Variants in LTN1 observed in about 807,000 individuals in gnomAD.
The protein encoded by LTN1 is E3 ubiquitin-protein ligase listerin.
In LTN1, 88 loss-of-function variants were observed where a neutral mutation model predicts 201.2. That is an observed-to-expected ratio of 0.44 (90% confidence interval 0.37 to 0.52). The LOEUF (loss-of-function observed/expected upper bound fraction) is 0.52, where lower values mean the gene tolerates loss of function less well. Ranked by LOEUF, LTN1 falls within the 20% of genes least tolerant of loss-of-function variation. The pLI, the probability that LTN1 is intolerant of heterozygous loss-of-function variation, is 0.00. For synonymous variants in LTN1, 645 were observed against 713.5 expected (o/e 0.90, Z 1.53); for missense variants, 1,752 against 2,038.7 (o/e 0.86, Z 2.71).
chr21:28,977,157 T>C (rs1316593497), intron 6 of LTN1, among the ~76,000 whole-genome samples: 2 of 152,154 alleles, frequency 1.3e-5, no homozygotes, highest in Non-Finnish European at 2.9e-5. Context: ...GTGGATCACC[T>C]GAGGTCAGGA....
chr21:28,966,274 G>T (rs772240779), intron 10 of LTN1, 96 bp downstream of exon 10: 3 of 1,024,688 alleles, frequency 2.9e-6, no homozygotes, highest in Non-Finnish European at 4.3e-6. Context: ...TCCTAAAATT[G>T]ACACTCACAG....
At chr21:28,969,049 C>T (rs1328627736) in intron 9 of LTN1, among the ~76,000 whole-genome samples, 3 of 151,708 alleles carry the variant, frequency 2.0e-5, no homozygotes, top group Non-Finnish European at 2.9e-5. Flanking sequence ...GGTGAAACGC[C>T]GTCTCTACTA....
chr21:28,941,202 T>C lies in LTN1; in HGVS notation c.4482+18A>G, dbSNP rs369164441. 27 of 1,585,230 alleles carry C rather than the reference T, an allele frequency of 1.7e-5. No homozygotes were observed. Among genetic ancestry groups the C allele is most frequent in the African/African-American group, 2.7e-5 (2 of 73,994 alleles). ...ATATTAGGACAGAACTATCGAAAGT[T>C]GTCACATATTTATTTACCTGTGATG... On this transcript the variant is annotated intron_variant, in intron 25 of 29. Coordinates refer to ENST00000361371, the MANE Select transcript of LTN1 (RefSeq NM_015565.3).
intron 25 of LTN1, among the ~76,000 whole-genome samples, chr21:28,937,129 C>T (rs1035725254): frequency 2.0e-5 from 3 of 152,076 alleles, no homozygotes; most frequent in Middle Eastern, 6.3e-3. Context: ...GTTGTTTTTT[C>T]AATCAGGAAA....
intron 23 of LTN1, 117 bp from the exon 24 acceptor site, chr21:28,943,453 T>A: frequency 2.8e-6 from 2 of 718,936 alleles, no homozygotes; most frequent in Non-Finnish European, 4.7e-6. Context: ...ATGAGTTTTC[T>A]TTAAAATAAC....
intron 1 of LTN1, among the ~76,000 whole-genome samples, chr21:28,990,926 G>GAT: frequency 6.6e-6 from 1 of 151,480 alleles, no homozygotes; most frequent in South Asian, 2.1e-4. Context: ...ATGTTAAAAC[G>GAT]GTTTATCTTT....
rs2084195277 is a variant in LTN1, at chr21:28,929,602, G to C, written c.*846C>G. On this transcript the variant is annotated 3_prime_UTR_variant, in exon 30 of 30. Transcript: ENST00000361371. The stretch of plus-strand genomic sequence containing the variant: ...GTTTTTTTTTTCCACTGATCTTTAA[G>C]TTTCAGTAATACTCATTTATTTCTT... 2 of 151,646 alleles carry C rather than the reference G, an allele frequency of 1.3e-5. No individual in the cohort carries two copies. Among genetic ancestry groups the C allele is most frequent in the Admixed American group, 1.3e-4 (2 of 15,224 alleles). 9.4% of individuals were successfully genotyped at this position (151,646 alleles called of 1,614,324 possible).
At chr21:28,960,496 C>G (rs777788833) in intron 12 of LTN1, 21 bp downstream of exon 12, 1 of 1,590,260 alleles carries the variant, frequency 6.3e-7, no homozygotes, top group African/African-American at 1.3e-5. Context: ...CATTAGAAAA[C>G]AAAAGCCATA....
At position 28,957,437 on chromosome 21, in the gene LTN1, A is replaced by G; in HGVS notation, c.2787T>C (p.Asn929=). The G allele has an allele frequency of 6.3e-7, 1 of 1,590,062 alleles. No homozygotes were observed. Among genetic ancestry groups the G allele is most frequent in the South Asian group, 1.1e-5 (1 of 87,924 alleles). Residue 929 remains asparagine (N), a synonymous_variant, in exon 15 of 30, where the codon AAT becomes AAC. Coordinates refer to ENST00000361371, the MANE Select transcript of LTN1 (RefSeq NM_015565.3). ...AAGAATCTTCACTCTCTAGAAGTGT[A>G]TTTAGCAAATCATCAACAGCAGACA... The part of the protein sequence containing the change: ...VLLSAVDDLL[N]TLLESEDSYL...
intron 6 of LTN1, among the ~76,000 whole-genome samples, chr21:28,977,140 G>A (rs1014864322): frequency 9.2e-5 from 14 of 152,130 alleles, no homozygotes; most frequent in South Asian, 2.1e-4. Flanking sequence ...CTGGGAGGCC[G>A]AGGCAGGTGG....
intron 16 of LTN1, 69 bp from the exon 17 acceptor site, chr21:28,953,445 C>A (rs1236343265): frequency 1.7e-6 from 2 of 1,169,938 alleles, no homozygotes; most frequent in Non-Finnish European, 2.4e-6. Context: ...ACTTTCACTT[C>A]TCCACCTTGT....
intron 1 of LTN1, among the ~76,000 whole-genome samples, chr21:28,987,495 T>C (rs2084707343): frequency 6.6e-6 from 1 of 152,208 alleles, no homozygotes; most frequent in Non-Finnish European, 1.5e-5. Context: ...TGAGAGTGGA[T>C]ACACTCATTT....
In LTN1 at chr21:28,966,574, C is replaced by T. The variant is rs188844248; in HGVS notation, c.1917G>A (p.Gln639=). Residue 639 remains glutamine (Q), a synonymous_variant, in exon 10 of 30, where the codon CAG becomes CAA. Coordinates refer to ENST00000361371, the MANE Select transcript of LTN1 (RefSeq NM_015565.3). ...VFKMLLGDEK[Q]SIVQAKPLEI... ...CAAGAGGTTTGGCTTGGACAATACTCTGTTTTTCATCACCAAGTAGCATTT... is the reference window on the plus strand; with the variant it reads ...CAAGAGGTTTGGCTTGGACAATACTTTGTTTTTCATCACCAAGTAGCATTT... 1.0e-4 allele frequency: 164 copies of T among 1,614,108 alleles called. No individual in the cohort carries two copies. The East Asian group carries it at 3.4e-3, about 33-fold the overall frequency.
At chr21:28,946,323 T>C (rs1236680879) in intron 19 of LTN1, 36 bp from the exon 20 acceptor site, 4 of 1,418,694 alleles carry the variant, frequency 2.8e-6, no homozygotes, top group Non-Finnish European at 3.8e-6. Context: ...TAAAAATATT[T>C]AAGAACTATA....
In LTN1 at chr21:28,988,645, A is replaced by AT. The variant is rs889788014; in HGVS notation, c.43-1712dup. Among the ~76,000 whole-genome samples, 343 of 146,564 alleles carry AT rather than the reference A, an allele frequency of 2.3e-3. 9 individuals carry two copies. The highest frequency in any genetic ancestry group is 8.7e-4 in the African/African-American group (35 of 40,040). On this transcript the variant is annotated intron_variant, in intron 1 of 29. Transcript: ENST00000361371. ...AGACTAATTCCAAAAAAGGTTCTCT[A>AT]TTTTTTTTTTTAAGTGAAAGTAAGT... is the stretch of plus-strand genomic sequence containing the variant.
chr21:28,945,760 T>G, intron 21 of LTN1, 47 bp downstream of exon 21: 1 of 1,542,324 alleles, frequency 6.5e-7, no homozygotes, highest in Non-Finnish European at 8.8e-7. Context: ...GATGCAAAAG[T>G]ATGTACAAAA....
intron 1 of LTN1, among the ~76,000 whole-genome samples, chr21:28,988,693 G>A (rs983487020): frequency 7.3e-5 from 11 of 151,688 alleles, no homozygotes; most frequent in Admixed American, 3.3e-4. Flanking sequence ...TAGGTCAGGC[G>A]CGGTGGTTCA....
chr21:28,955,876 T>C (rs1465370538), intron 16 of LTN1, among the ~76,000 whole-genome samples: 1 of 143,154 alleles, frequency 7.0e-6, no homozygotes, highest in Non-Finnish European at 1.5e-5. Context: ...TGAGCCGAGA[T>C]TGCGCCACTG....
chr21:28,933,978 T>C (rs1234906038), intron 27 of LTN1, among the ~76,000 whole-genome samples: 1 of 151,976 alleles, frequency 6.6e-6, no homozygotes, highest in Non-Finnish European at 1.5e-5. Flanking sequence ...ACTCGGCCTA[T>C]TTTCTTTATA....
Sources: allele counts gnomAD v4.1 joint callset (sites outside exome capture counted in the v4.1 genomes callset), GRCh38; gene constraint gnomAD v4.1.1; transcripts MANE v1.5; gene names NCBI Gene and HGNC (gene_info 2026-07-23, HGNC 2026-07-21).